The following FAM149A variants were observed in gnomAD, a reference collection of about 807,000 sequenced individuals.
FAM149A encodes the protein protein FAM149A.
Under a neutral mutation model 78.2 loss-of-function variants are expected in FAM149A, and 71 were observed. The observed-to-expected ratio is 0.91, with a 90% CI of 0.75 to 1.11. The LOEUF (loss-of-function observed/expected upper bound fraction) is 1.11, where lower values mean the gene tolerates loss of function less well. FAM149A is among the 50% of genes least tolerant of loss of function. FAM149A has a pLI of 0.00. For synonymous variants in FAM149A, 446 were observed against 410.5 expected (o/e 1.09, Z -1.04); for missense variants, 1,036 against 971.0 (o/e 1.07, Z -0.89).
chr4:186,171,986 G>C lies in FAM149A; in HGVS notation c.2291G>C (p.Ter764SerextTer33). The change falls in exon 14 of 14, where the codon TGA (stop) becomes TCA (serine). Residue 764 changes from the stop codon to serine, a stop_lost. Coordinates refer to ENST00000389354, the MANE Select transcript of FAM149A (RefSeq NM_001367768.3). ...AAGAGGAGATTCCAAGTGACATCTT[G>C]AAACCACCTCACCAGAACCATTGGA... is the stretch of plus-strand genomic sequence containing the variant. 1 of 1,611,136 alleles carries C rather than the reference G, an allele frequency of 6.2e-7. No individual in the cohort carries two copies. Among genetic ancestry groups the C allele is most frequent in the Non-Finnish European group, 8.5e-7 (1 of 1,178,664 alleles).
chr4:186,122,924 G>A (rs1389373056), intron 1 of FAM149A: 1 of 210,240 alleles, frequency 4.8e-6, no homozygotes, highest in African/African-American at 2.4e-5. Context: ...GAAAGCATCT[G>A]GTAATGGTGA....
At chr4:186,129,349 C>G (rs2099319637) in intron 1 of FAM149A, among the ~76,000 whole-genome samples, 1 of 152,174 alleles carries the variant, frequency 6.6e-6, no homozygotes, top group Admixed American at 6.5e-5. Context: ...GGATGCAGCT[C>G]TCCTTTCCCC....
At chr4:186,154,184 C>T (rs1733841355) in intron 5 of FAM149A, among the ~76,000 whole-genome samples, 1 of 152,168 alleles carries the variant, frequency 6.6e-6, no homozygotes, top group African/African-American at 2.4e-5. Flanking sequence ...ATGCCATTCA[C>T]ACATATTTGG....
At position 186,149,653 on chromosome 4, in the gene FAM149A, T is replaced by C; in HGVS notation, c.738T>C (p.Ser246=). Residue 246 remains serine (S), a synonymous_variant, in exon 3 of 14, where the codon TCT becomes TCC. Coordinates refer to ENST00000389354, the MANE Select transcript of FAM149A (RefSeq NM_001367768.3). ...GGTCTGGGTCGGCCACACAGAGCTCTACCACCGGCTCATCCACGGAGAGGG... is the reference window on the plus strand; with the variant it reads ...GGTCTGGGTCGGCCACACAGAGCTCCACCACCGGCTCATCCACGGAGAGGG... 1 of 1,289,808 alleles carries C rather than the reference T, an allele frequency of 7.8e-7. No individual in the cohort carries two copies. The highest frequency in any genetic ancestry group is 1.2e-5 in the South Asian group (1 of 80,986). The allele number at this position is 1,289,808 out of a possible 1,614,324, so 79.9% of individuals were successfully genotyped here.
chr4:186,143,553 G>A (rs955402600), intron 1 of FAM149A, among the ~76,000 whole-genome samples: 3 of 152,042 alleles, frequency 2.0e-5, no homozygotes, highest in African/African-American at 7.2e-5. Context: ...TTTTGTTTGT[G>A]TTTGTTTTTT....
intron 1 of FAM149A, among the ~76,000 whole-genome samples, chr4:186,135,730 A>G (rs1306849261): frequency 2.6e-5 from 4 of 152,228 alleles, no homozygotes; most frequent in African/African-American, 9.6e-5. Flanking sequence ...GCTTTAGCAC[A>G]GCACTCCAAG....
At chr4:186,165,003 C>G (rs1190680729) in intron 10 of FAM149A, among the ~76,000 whole-genome samples, 2 of 152,064 alleles carry the variant, frequency 1.3e-5, no homozygotes, top group African/African-American at 2.4e-5. Flanking sequence ...GTGCCCACCC[C>G]CTTTGGTGAT....
In FAM149A at chr4:186,174,934, G is replaced by A. The variant is rs10029094; in HGVS notation, c.*2947G>A. 0.062 allele frequency among the ~76,000 whole-genome samples: 6,843 copies of A among 110,510 alleles called. 1,845 individuals are homozygous for A. The highest frequency in any genetic ancestry group is 0.18 in the African/African-American group (6,444 of 35,420). The allele number at this position is 110,510 out of a possible 152,430, so 72.5% of individuals were successfully genotyped here. ...TATTAAAAATTAAAAAAGAAAAATT[G>A]AACTACTTCTGAGATAGATTTTTAA... On this transcript the variant is annotated 3_prime_UTR_variant, in exon 14 of 14. Transcript: ENST00000389354.
At chr4:186,146,974 G>A in intron 1 of FAM149A, 4 of 985,440 alleles carry the variant, frequency 4.1e-6, no homozygotes, top group Non-Finnish European at 4.8e-6. Context: ...TGAATAAGGT[G>A]TCAAGGTCAC....
intron 1 of FAM149A, among the ~76,000 whole-genome samples, chr4:186,107,008 A>G (rs2099309037): frequency 6.6e-6 from 1 of 152,230 alleles, no homozygotes; most frequent in African/African-American, 2.4e-5. Flanking sequence ...GTTCCCACTC[A>G]TTAAAAAATA....
chr4:186,150,477 G>T (rs13127757), intron 3 of FAM149A, among the ~76,000 whole-genome samples: 30,725 of 113,006 alleles, frequency 0.27, 4,425 homozygotes, highest in East Asian at 0.39. Flanking sequence ...TGGAGTGCAG[G>T]GGCGCGATCT....
chr4:186,133,347 T>A, intron 1 of FAM149A: 1 of 248,174 alleles, frequency 4.0e-6, no homozygotes, highest in Non-Finnish European at 6.4e-6. Context: ...CTGTTACCAG[T>A]AACTCCCCGT....
chr4:186,140,394 C>T (rs910609108), intron 1 of FAM149A, among the ~76,000 whole-genome samples: 1 of 151,248 alleles, frequency 6.6e-6, no homozygotes, highest in Non-Finnish European at 1.5e-5. Context: ...CCTCCCACTT[C>T]AGTCTCCCAA....
At chr4:186,142,813 C>T (rs527369196) in intron 1 of FAM149A, among the ~76,000 whole-genome samples, 10 of 152,236 alleles carry the variant, frequency 6.6e-5, no homozygotes, top group Middle Eastern at 3.4e-3. Flanking sequence ...AGCAACCCCA[C>T]GGGGAGCAGA....
chr4:186,109,315 T>TTA, intron 1 of FAM149A: 1 of 740,602 alleles, frequency 1.4e-6, no homozygotes, highest in Non-Finnish European at 1.6e-6. Context: ...TTCACTCTTT[T>TTA]TTTTTTTGAG....
chr4:186,160,200 T>TACAC (rs979913775), intron 8 of FAM149A, among the ~76,000 whole-genome samples: 11 of 80,634 alleles, frequency 1.4e-4, no homozygotes, highest in African/African-American at 4.5e-4. Flanking sequence ...ATACACACAC[T>TACAC]ACACACACAC....
chr4:186,129,015 G>A (rs1210508053), intron 1 of FAM149A, among the ~76,000 whole-genome samples: 8 of 151,822 alleles, frequency 5.3e-5, no homozygotes, highest in Admixed American at 5.2e-4. Context: ...GTATCTGTAT[G>A]TGTGCCTGCA....
intron 1 of FAM149A, among the ~76,000 whole-genome samples, chr4:186,139,724 G>C (rs1001604355): frequency 7.9e-5 from 12 of 152,310 alleles, no homozygotes; most frequent in Middle Eastern, 3.4e-3. Context: ...GACAGTGTTA[G>C]GAACTAAGAT....
chr4:186,128,848 T>C (rs1449194794), intron 1 of FAM149A, among the ~76,000 whole-genome samples: 2 of 152,016 alleles, frequency 1.3e-5, no homozygotes, highest in African/African-American at 4.8e-5. Context: ...CATGTGTGTA[T>C]GGTGTATGCA....
Sources: gnomAD v4.1 joint callset for allele counts (sites outside exome capture counted in the v4.1 genomes callset) on GRCh38, gnomAD v4.1.1 for gene constraint, MANE v1.5 for transcripts, NCBI Gene and HGNC (gene_info 2026-07-23, HGNC 2026-07-21) for gene names.